EIF3A: variants seen among roughly 807,000 people sequenced by gnomAD.
EIF3A encodes eukaryotic translation initiation factor 3 subunit A, also known as EIF3, p180 subunit.
EIF3A carries 21 observed loss-of-function variants against 186.6 expected under a neutral mutation model. That is an observed-to-expected ratio of 0.11 (90% CI 0.08 to 0.16). The LOEUF is 0.16. Among genes scored for constraint, EIF3A ranks in the 10% least tolerant of loss-of-function variants. The pLI is 1.00. For synonymous variants in EIF3A, 563 were observed against 584.3 expected (o/e 0.96, Z 0.52); for missense variants, 1,306 against 1,796.3 (o/e 0.73, Z 4.93).
intron 19 of EIF3A, among the ~76,000 whole-genome samples, chr10:119,041,718 G>C (rs535751159): frequency 5.9e-5 from 9 of 152,202 alleles, no homozygotes; most frequent in Non-Finnish European, 1.3e-4. Context: ...AATACTGAAA[G>C]CATGAGTACA....
intron 16 of EIF3A, 144 bp downstream of exon 16, chr10:119,050,377 A>C: frequency 1.3e-6 from 1 of 767,944 alleles, no homozygotes; most frequent in Non-Finnish European, 2.1e-6. Context: ...CACATACAGC[A>C]AACTGGGTTC....
At chr10:119,038,010 G>A (rs1378960082) in intron 20 of EIF3A, among the ~76,000 whole-genome samples, 5 of 134,466 alleles carry the variant, frequency 3.7e-5, no homozygotes, top group South Asian at 2.6e-4. Flanking sequence ...TCTGCCTCCC[G>A]GGTTCAAGCA....
At chr10:119,053,233 A>C (rs556263223) in intron 14 of EIF3A, among the ~76,000 whole-genome samples, 4 of 152,128 alleles carry the variant, frequency 2.6e-5, no homozygotes, top group Non-Finnish European at 5.9e-5. Context: ...GATGCAGCAT[A>C]ATTCTTAAGG....
At chr10:119,045,352 G>A (rs912718360) in intron 17 of EIF3A, among the ~76,000 whole-genome samples, 3 of 152,148 alleles carry the variant, frequency 2.0e-5, no homozygotes, top group Admixed American at 2.0e-4. Context: ...AATTCGTCCC[G>A]GGTCATCACA....
chr10:119,073,542 T>C lies in EIF3A; in HGVS notation c.276A>G (p.Ala92=). 1.2e-6 allele frequency: 2 copies of C among 1,612,994 alleles called. No individual in the cohort carries two copies. The highest frequency in any genetic ancestry group is 2.2e-5 in the East Asian group (1 of 44,852). Residue 92 remains alanine, a synonymous_variant, in exon 3 of 22, where the codon GCA becomes GCG. Coordinates refer to ENST00000369144, the MANE Select transcript of EIF3A (RefSeq NM_003750.4). ...NIKSLEDVVR[A]YLKMAEEKTE... Reference sequence around the variant, plus strand: ...TTTTTTCCTCTGCCATTTTCAAATATGCCCTAACAACATCCTCCAGAGATT... The same window carrying C: ...TTTTTTCCTCTGCCATTTTCAAATACGCCCTAACAACATCCTCCAGAGATT...
rs368528121 is a variant in EIF3A at position 119,065,388 on chromosome 10, T to G, written c.1122+11A>C. ...GCCCAAAGCTACAAAAATCCTCAAA[T>G]TAATACTAACCATATCATTAATAAG... is the stretch of plus-strand genomic sequence containing the variant. On this transcript the variant is annotated intron_variant, in intron 7 of 21. Coordinates refer to ENST00000369144, the MANE Select transcript of EIF3A (RefSeq NM_003750.4). 6.3e-7 allele frequency: 1 copy of G among 1,593,980 alleles called. No individual in the cohort carries two copies. Among genetic ancestry groups the G allele is most frequent in the Non-Finnish European group, 8.6e-7 (1 of 1,168,018 alleles).
chr10:119,065,270 G>C (rs1035726780), intron 7 of EIF3A, 129 bp downstream of exon 7: 1 of 684,838 alleles, frequency 1.5e-6, no homozygotes, highest in Non-Finnish European at 2.5e-6. Context: ...ATTGACACCA[G>C]TGCTTCCCTG....
chr10:119,052,368 TTGTGTGTGTGTG>T (rs61029991), intron 14 of EIF3A, among the ~76,000 whole-genome samples: 2 of 122,970 alleles, frequency 1.6e-5, no homozygotes, highest in African/African-American at 5.9e-5. Context: ...TTTTTTGGTT[TTGTGTGTGTGTG>T]TGTGTGTGTG....
In EIF3A at chr10:119,036,013, C is replaced by A. The variant is rs558214917; in HGVS notation, c.*26G>T. 1.2e-5 allele frequency: 19 copies of A among 1,527,414 alleles called. No individual in the cohort carries two copies. The highest frequency in any genetic ancestry group is 1.7e-4 in the Middle Eastern group (1 of 5,886). The allele number at this position is 1,527,414 out of a possible 1,614,324, so 94.6% of individuals were successfully genotyped here. On this transcript the variant is annotated 3_prime_UTR_variant, in exon 22 of 22. Coordinates refer to ENST00000369144, the MANE Select transcript of EIF3A (RefSeq NM_003750.4). ...AATGTGATCAAACCTATTTAAGACA[C>A]CAGTTTAAATCCATTATCTTGAGAC... is the stretch of plus-strand genomic sequence containing the variant.
chr10:119,067,755 A>C (rs1233275388), intron 6 of EIF3A, among the ~76,000 whole-genome samples: 1 of 152,238 alleles, frequency 6.6e-6, no homozygotes, highest in South Asian at 2.1e-4. Context: ...CTGGATAACA[A>C]AATAATTGGT....
At chr10:119,044,571 G>A (rs1458601087) in intron 17 of EIF3A, among the ~76,000 whole-genome samples, 4 of 152,308 alleles carry the variant, frequency 2.6e-5, no homozygotes, top group East Asian at 1.9e-4. Flanking sequence ...CTGATGGGCC[G>A]GGCGCGGTGG....
At chr10:119,052,532 G>A (rs1848373438) in intron 14 of EIF3A, among the ~76,000 whole-genome samples, 1 of 151,936 alleles carries the variant, frequency 6.6e-6, no homozygotes, top group Admixed American at 6.6e-5. Flanking sequence ...ACTCCACCAT[G>A]CCTGGCTAAT....
intron 10 of EIF3A, 77 bp downstream of exon 10, chr10:119,059,525 A>G: frequency 7.4e-7 from 1 of 1,357,804 alleles, no homozygotes; most frequent in Non-Finnish European, 1.0e-6. Flanking sequence ...TCACTGTACC[A>G]AAAGCTGAGA....
intron 11 of EIF3A, among the ~76,000 whole-genome samples, chr10:119,058,808 A>T (rs1325917666): frequency 6.6e-6 from 1 of 152,196 alleles, no homozygotes; most frequent in Non-Finnish European, 1.5e-5. Context: ...GCTTGAACCC[A>T]GGAGGTAGAG....
Position 119,042,651 on chromosome 10 carries a change from C to T in EIF3A, c.2869G>A (p.Val957Ile). The change falls in exon 19 of 22, where the codon GTT becomes ATT. Residue 957 changes from valine to isoleucine, a missense_variant. Coordinates refer to ENST00000369144, the MANE Select transcript of EIF3A (RefSeq NM_003750.4). This position sits in a 1 kb window ranked among gnomAD's most constrained non-coding sequence, Gnocchi z 7.8. Reference sequence around the variant, plus strand: ...TCATCATCCATGCCACGCCGGGGAACCCGATCATCGTCTGGTCTAAGAGAG... The same window carrying T: ...TCATCATCCATGCCACGCCGGGGAATCCGATCATCGTCTGGTCTAAGAGAG... ...EPSLRPDDDR[V>I]PRRGMDDDRG... The T allele has an allele frequency of 6.2e-7, 1 of 1,614,220 alleles. No homozygotes were observed. The highest frequency in any genetic ancestry group is 8.5e-7 in the Non-Finnish European group (1 of 1,180,038).
chr10:119,051,441 T>TA, intron 14 of EIF3A, 120 bp from the exon 15 acceptor site: 1 of 1,033,470 alleles, frequency 9.7e-7, no homozygotes, highest in Non-Finnish European at 1.3e-6. Context: ...TGTCATGCCA[T>TA]AAAAATGAAA....
chr10:119,051,258 G>C lies in EIF3A; in HGVS notation c.2260C>G (p.Leu754Val). Residue 754 changes from leucine (L) to valine (V), a missense_variant, in exon 15 of 22, where the codon CTT becomes GTT. By Grantham distance (32) the Leu-to-Val change is conservative. Coordinates refer to ENST00000369144, the MANE Select transcript of EIF3A (RefSeq NM_003750.4). ...LEHKNRMSRM[L>V]EDRDLFVMRL... ...ATTACGAATAAATCTCTGTCTTCAA[G>C]CATTCGTGACATTCGATTCTTATGT... The C allele has an allele frequency of 6.2e-7, 1 of 1,611,826 alleles. No homozygotes were observed. Among genetic ancestry groups the C allele is most frequent in the Non-Finnish European group, 8.5e-7 (1 of 1,179,234 alleles).
chr10:119,063,016 A>G (rs1239221087), intron 7 of EIF3A, among the ~76,000 whole-genome samples: 1 of 151,864 alleles, frequency 6.6e-6, no homozygotes, highest in African/African-American at 2.4e-5. Context: ...TTGGCCTCCC[A>G]AAGTGCTAGG....
chr10:119,042,732 G>A lies in EIF3A; in HGVS notation c.2788C>T (p.His930Tyr), dbSNP rs1371226414. Residue 930 changes from histidine (H) to tyrosine (Y), a missense_variant, in exon 19 of 22, where the codon CAT becomes TAT. Coordinates refer to ENST00000369144, the MANE Select transcript of EIF3A (RefSeq NM_003750.4). This position sits in a 1 kb window ranked among gnomAD's most constrained non-coding sequence, Gnocchi z 7.8. ...RGEGRDEDRS[H>Y]RRDEERPRRL... is the part of the protein sequence containing the mutation. ...CGGGGCCGCTCTTCATCTCTTCTAT[G>A]AGACCTGTCCTCATCTCGCCCTTCT... The A allele has an allele frequency of 2.5e-6, 4 of 1,612,956 alleles. No homozygotes were observed. Among genetic ancestry groups the A allele is most frequent in the African/African-American group, 1.3e-5 (1 of 74,954 alleles).
Sources: gnomAD v4.1 joint callset for allele counts (sites outside exome capture counted in the v4.1 genomes callset) on GRCh38, gnomAD v4.1.1 for gene constraint, Gnocchi (gnomAD v3.1) non-coding constraint, MANE v1.5 for transcripts, NCBI Gene and HGNC (gene_info 2026-07-23, HGNC 2026-07-21) for gene names.